Variants in CTIF observed in about 807,000 individuals in gnomAD.
CTIF encodes the protein cap binding complex dependent translation initiation factor, also known as CBP80/20-dependent translation initiation factor.
In CTIF, 21 loss-of-function variants were observed where a neutral mutation model predicts 66.0. The observed-to-expected ratio is 0.32, with a 90% CI of 0.23 to 0.46. The LOEUF is 0.46. Among genes scored for constraint, CTIF ranks in the 20% least tolerant of loss-of-function variants. CTIF has a pLI of 1.00. For missense variants in CTIF, 739 were observed against 812.7 expected, an observed-to-expected ratio of 0.91 and a Z score of 1.10; for synonymous variants, 345 against 326.4, an observed-to-expected ratio of 1.06 and a Z score of -0.62.
chr18:48,756,765 A>AC (rs1355571857), intron 7 of CTIF, among the ~76,000 whole-genome samples: 3 of 152,178 alleles, frequency 2.0e-5, no homozygotes, highest in African/African-American at 7.2e-5. Context: ...AATGTCCCTC[A>AC]CCACCCCTTC....
At chr18:48,843,666 A>T (rs2146565084) in intron 10 of CTIF, among the ~76,000 whole-genome samples, 1 of 152,190 alleles carries the variant, frequency 6.6e-6, no homozygotes, top group Non-Finnish European at 1.5e-5. Context: ...CCCCTCCCTT[A>T]TCTAGGTGAC....
intron 10 of CTIF, among the ~76,000 whole-genome samples, chr18:48,819,656 G>A (rs1481377730): frequency 1.3e-5 from 2 of 152,190 alleles, no homozygotes; most frequent in South Asian, 2.1e-4. Flanking sequence ...TCAAATTTTC[G>A]GGCCAGTTTG....
chr18:48,776,130 G>T (rs972706615), intron 9 of CTIF, among the ~76,000 whole-genome samples: 2 of 152,224 alleles, frequency 1.3e-5, no homozygotes, highest in Non-Finnish European at 2.9e-5. Flanking sequence ...CTGGGGTTTT[G>T]CTGAGGCAGG....
rs776402215 is a variant in CTIF at position 48,859,450 on chromosome 18, C to A, written c.1688C>A (p.Thr563Asn). The part of the protein sequence containing the change: ...KMLCPSESML[T>N]RSLLLEVIEL... The stretch of plus-strand genomic sequence containing the variant: ...CTGTGCCCCTCGGAGTCCATGCTGA[C>A]CCGGTCGCTGCTCCTAGAGGTCATC... Residue 563 changes from threonine to asparagine, a missense_variant, in exon 12 of 12, where the codon ACC becomes AAC. Thr to Asn is a moderately conservative substitution (Grantham distance 65). This residue lies in a region of CTIF where 210 missense variants were observed against 292.3 expected (regional missense o/e 0.72). Coordinates refer to ENST00000256413, the MANE Select transcript of CTIF (RefSeq NM_014772.3). 6.2e-7 allele frequency: 1 copy of A among 1,614,192 alleles called. No homozygotes were observed. Among genetic ancestry groups the A allele is most frequent in the Non-Finnish European group, 8.5e-7 (1 of 1,180,034 alleles).
rs1451623106 is a variant in CTIF at position 48,860,499 on chromosome 18, G to C, written c.*940G>C. The C allele has an allele frequency of 6.4e-6, 1 of 155,208 alleles. No homozygotes were observed. Among genetic ancestry groups the C allele is most frequent in the Admixed American group, 6.3e-5 (1 of 15,958 alleles). The allele number at this position is 155,208 out of a possible 1,614,324, so 9.6% of individuals were successfully genotyped here. A position where few individuals can be genotyped will look rare whatever the true frequency, so the allele number is the denominator to read the frequency against. ...CTGTGTTCCTCGCCACTGGCTTCCA[G>C]CGCCTCTGTTTTCTCAAAGGGCTGA... On this transcript the variant is annotated 3_prime_UTR_variant, in exon 12 of 12. Transcript: ENST00000256413.
chr18:48,842,823 C>A lies in CTIF; in HGVS notation c.1528-14765C>A, dbSNP rs188601043. Among the ~76,000 whole-genome samples the A allele has an allele frequency of 2.2e-4, 34 of 152,362 alleles. 1 individual carries two copies. In the East Asian group the frequency reaches 6.4e-3, roughly 29 times the overall value. On this transcript the variant is annotated intron_variant, in intron 10 of 11. Transcript: ENST00000256413. Reference sequence around the variant, plus strand: ...CTTTGCAGGCAGCTAGCTCCCTCCACGGAGACACTTATCACACCCTGCCCC... The same window carrying A: ...CTTTGCAGGCAGCTAGCTCCCTCCAAGGAGACACTTATCACACCCTGCCCC...
intron 3 of CTIF, among the ~76,000 whole-genome samples, chr18:48,661,660 C>T (rs1265959882): frequency 6.6e-6 from 1 of 152,144 alleles, no homozygotes; most frequent in Non-Finnish European, 1.5e-5. Flanking sequence ...GATCCTAGAA[C>T]ATTAGGGGCC....
intron 7 of CTIF, among the ~76,000 whole-genome samples, chr18:48,741,231 A>AG (rs938521530): frequency 6.6e-4 from 100 of 150,880 alleles, no homozygotes; most frequent in African/African-American, 2.4e-3. Flanking sequence ...GTTGGAGTGG[A>AG]GCCAGCAGCC....
intron 7 of CTIF, among the ~76,000 whole-genome samples, chr18:48,730,040 T>A (rs2092423566): frequency 6.6e-6 from 1 of 152,204 alleles, no homozygotes; most frequent in African/African-American, 2.4e-5. Flanking sequence ...TGTCCACAGC[T>A]GTGCTGCCCA....
At chr18:48,752,888 G>A (rs1907974286) in intron 7 of CTIF, among the ~76,000 whole-genome samples, 1 of 152,224 alleles carries the variant, frequency 6.6e-6, no homozygotes, top group Non-Finnish European at 1.5e-5. Flanking sequence ...CCTCATGAGG[G>A]AAGAAAACCT....
At chr18:48,717,233 C>G (rs578125021) in intron 7 of CTIF, among the ~76,000 whole-genome samples, 66 of 151,998 alleles carry the variant, frequency 4.3e-4, no homozygotes, top group African/African-American at 1.6e-3. Flanking sequence ...AACCCCGTCT[C>G]TACTAAAAAT....
intron 10 of CTIF, among the ~76,000 whole-genome samples, chr18:48,844,656 A>G (rs1356349197): frequency 6.6e-6 from 1 of 152,156 alleles, no homozygotes; most frequent in Non-Finnish European, 1.5e-5. Flanking sequence ...AGAACCACAA[A>G]TTTCCTGACA....
At chr18:48,541,240 C>T (rs954774596) in intron 1 of CTIF, among the ~76,000 whole-genome samples, 2 of 152,186 alleles carry the variant, frequency 1.3e-5, no homozygotes, top group African/African-American at 4.8e-5. Flanking sequence ...CCCAGGCCGC[C>T]GCCCGCCCGG....
At chr18:48,630,734 G>T (rs1178627225) in intron 2 of CTIF, among the ~76,000 whole-genome samples, 1 of 151,552 alleles carries the variant, frequency 6.6e-6, no homozygotes, top group East Asian at 1.9e-4. Flanking sequence ...GGAGTGCGGT[G>T]GCGCGATCTC....
chr18:48,572,306 G>A (rs913843165), intron 1 of CTIF, among the ~76,000 whole-genome samples: 1 of 152,134 alleles, frequency 6.6e-6, no homozygotes, highest in Non-Finnish European at 1.5e-5. Flanking sequence ...ACATCTAGAT[G>A]AGTGTTTGAG....
intron 11 of CTIF, 34 bp from the exon 12 acceptor site, chr18:48,859,310 C>T (rs768409616): frequency 2.2e-5 from 35 of 1,597,064 alleles, no homozygotes; most frequent in Admixed American, 3.3e-5. Flanking sequence ...CTGTGGGACC[C>T]GAGGCCATCC....
At chr18:48,577,916 C>T (rs759462925) in intron 1 of CTIF, among the ~76,000 whole-genome samples, 10 of 152,078 alleles carry the variant, frequency 6.6e-5, no homozygotes, top group Non-Finnish European at 1.5e-4. Context: ...GTTGTGCAAC[C>T]CTCAACACTA....
chr18:48,647,138 A>C (rs1399737603), intron 3 of CTIF, among the ~76,000 whole-genome samples: 1 of 152,236 alleles, frequency 6.6e-6, no homozygotes, highest in Admixed American at 6.5e-5. Flanking sequence ...ATGCCTGATG[A>C]TGCAGCAGCC....
intron 1 of CTIF, among the ~76,000 whole-genome samples, chr18:48,597,297 G>T (rs1365470080): frequency 8.5e-5 from 13 of 152,234 alleles, no homozygotes; most frequent in African/African-American, 3.1e-4. Context: ...TGACCAGTCA[G>T]CTAACAGTCA....
Sources: gnomAD v4.1 joint callset for allele counts (sites outside exome capture counted in the v4.1 genomes callset) on GRCh38, gnomAD v4.1.1 for gene constraint, gnomAD v4.1.1 regional missense constraint, MANE v1.5 for transcripts, NCBI Gene and HGNC (gene_info 2026-07-23, HGNC 2026-07-21) for gene names.